TUT4: variants seen among roughly 807,000 people sequenced by gnomAD.
TUT4 encodes terminal uridylyl transferase 4, also known as terminal uridylyltransferase 4.
Under a neutral mutation model 192.2 loss-of-function variants are expected in TUT4, and 36 were observed. The ratio of observed to expected loss-of-function variants is 0.19; its 90% CI spans 0.14 to 0.25. The LOEUF is 0.25. Ranked by LOEUF, TUT4 falls within the 10% of genes least tolerant of loss-of-function variation. The probability of loss-of-function intolerance (pLI) is 1.00; values close to 1 mark genes in which losing one functional copy is unlikely to be tolerated. For synonymous variants in TUT4, 618 were observed against 666.0 expected (o/e 0.93, Z 1.11); for missense variants, 1,493 against 1,957.2 (o/e 0.76, Z 4.47).
At chr1:52,459,661 G>A (rs1045063195) in intron 19 of TUT4, among the ~76,000 whole-genome samples, 21 of 152,170 alleles carry the variant, frequency 1.4e-4, no homozygotes, top group Non-Finnish European at 1.2e-4. Flanking sequence ...CGAGGCGGGC[G>A]GAGGAGGTCA....
chr1:52,552,853 G>A (rs1235126532), intron 1 of TUT4, 78 bp downstream of exon 1: 2 of 152,362 alleles, frequency 1.3e-5, no homozygotes, highest in East Asian at 1.9e-4. Flanking sequence ...ACCTGGGGAG[G>A]GCGAACCGGG....
At chr1:52,429,753 C>T (rs754702116) in intron 28 of TUT4, among the ~76,000 whole-genome samples, 5 of 151,714 alleles carry the variant, frequency 3.3e-5, no homozygotes, top group South Asian at 4.2e-4. Context: ...TCACCACACC[C>T]GGCTAATTTT....
At position 52,475,169 on chromosome 1, in the gene TUT4, G is replaced by A; in HGVS notation, c.2390C>T (p.Ser797Phe). 3 of 1,614,102 alleles carry A rather than the reference G, an allele frequency of 1.9e-6. No individual in the cohort carries two copies. The highest frequency in any genetic ancestry group is 2.5e-6 in the Non-Finnish European group (3 of 1,180,012). Residue 797 changes from serine to phenylalanine, a missense_variant, in exon 13 of 30, where the codon TCT (serine) becomes TTT (phenylalanine). Coordinates refer to ENST00000257177, the MANE Select transcript of TUT4 (RefSeq NM_001009881.3). ...ELDFADHGQD[S>F]SSLSTSKSSE... The stretch of plus-strand genomic sequence containing the variant: ...GCTTTTGCTGGTAGAAAGAGATGAA[G>A]AGTCCTGTCCGTGGTCAGCAAAATC...
intron 28 of TUT4, among the ~76,000 whole-genome samples, chr1:52,425,826 T>C (rs1000152859): frequency 1.0e-4 from 14 of 135,482 alleles, no homozygotes; most frequent in African/African-American, 2.6e-4. Flanking sequence ...TTGACTAATA[T>C]GAGTTCTAGA....
At chr1:52,469,736 A>C (rs1427301393) in intron 14 of TUT4, among the ~76,000 whole-genome samples, 1 of 151,950 alleles carries the variant, frequency 6.6e-6, no homozygotes, top group Non-Finnish European at 1.5e-5. Context: ...TAAAAATACA[A>C]AAAATTAGCC....
chr1:52,510,264 G>A (rs980740601), intron 3 of TUT4, among the ~76,000 whole-genome samples: 6 of 142,232 alleles, frequency 4.2e-5, no homozygotes, highest in African/African-American at 1.1e-4. Context: ...GCAGCGAGCC[G>A]AGATCGCATC....
chr1:52,469,297 G>C (rs1252891195), intron 14 of TUT4, among the ~76,000 whole-genome samples: 1 of 151,946 alleles, frequency 6.6e-6, no homozygotes, highest in South Asian at 2.1e-4. Flanking sequence ...AGGGAGTGGG[G>C]GGAAAGGTGC....
chr1:52,445,660 T>A, intron 24 of TUT4, 127 bp downstream of exon 24: 1 of 697,752 alleles, frequency 1.4e-6, no homozygotes, highest in Non-Finnish European at 2.4e-6. Flanking sequence ...ATAAATGCAA[T>A]AAGAAAAAAT....
intron 4 of TUT4, among the ~76,000 whole-genome samples, chr1:52,497,965 T>C (rs1672878936): frequency 1.3e-5 from 2 of 152,170 alleles, no homozygotes; most frequent in South Asian, 2.1e-4. Context: ...AAACCATCTC[T>C]TATCTTTTGA....
chr1:52,452,950 A>T (rs553434085), intron 20 of TUT4, among the ~76,000 whole-genome samples: 2 of 152,314 alleles, frequency 1.3e-5, no homozygotes, highest in Non-Finnish European at 2.9e-5. Flanking sequence ...GATACTACAG[A>T]TGGTGCCAGA....
In TUT4 at chr1:52,446,585, A is replaced by C. The variant is rs1657590748; in HGVS notation, c.3513+5T>G. 6.3e-7 allele frequency: 1 copy of C among 1,599,890 alleles called. No homozygotes were observed. The highest frequency in any genetic ancestry group is 2.2e-5 in the East Asian group (1 of 44,702). On this transcript the variant is annotated splice_donor_5th_base_variant and intron_variant, in intron 21 of 29. Transcript: ENST00000257177. ...TCTAGAACATAAAGACTATTTTAAA[A>C]TTACCAGTTCTTCTGTTTTATCAAA...
chr1:52,475,243 T>G lies in TUT4; in HGVS notation c.2316A>C (p.Thr772=). The G allele has an allele frequency of 1.9e-6, 3 of 1,614,186 alleles. No individual in the cohort carries two copies. In the East Asian group the frequency reaches 6.7e-5, roughly 36 times the overall value. ...TGTTGTCAATAATACATCTCTGTGA[T>G]GTACAGTCCATTTCATCACATTGAA... ...QPVQCDEMDC[T]SQRCIIDNNN... is the part of the protein sequence containing the mutation. The change falls in exon 13 of 30, where the codon ACA becomes ACC. Residue 772 remains threonine (T), a synonymous_variant. Coordinates refer to ENST00000257177, the MANE Select transcript of TUT4 (RefSeq NM_001009881.3).
intron 27 of TUT4, 62 bp from the exon 28 acceptor site, chr1:52,431,522 G>C: frequency 8.2e-7 from 1 of 1,220,162 alleles, no homozygotes; most frequent in East Asian, 2.6e-5. Flanking sequence ...TATAAAAGTA[G>C]AGATAAAATA....
intron 1 of TUT4, among the ~76,000 whole-genome samples, chr1:52,542,729 T>G (rs1314842011): frequency 6.6e-6 from 1 of 151,892 alleles, no homozygotes; most frequent in African/African-American, 2.4e-5. Flanking sequence ...AAGGGAAAGA[T>G]GTCTGTTTTC....
At position 52,472,747 on chromosome 1, in the gene TUT4, A is replaced by G. The variant is rs551796732; in HGVS notation, c.2728-645T>C. On this transcript the variant is annotated intron_variant, in intron 13 of 29. Transcript: ENST00000257177. Reference sequence around the variant, plus strand: ...ATATAACCATTTTAAATGTATTTCAATGGACACCAAACAAGTGGTTAAAAC... The same window carrying G: ...ATATAACCATTTTAAATGTATTTCAGTGGACACCAAACAAGTGGTTAAAAC... Among the ~76,000 whole-genome samples, 11 of 152,246 alleles carry G rather than the reference A, an allele frequency of 7.2e-5. No individual in the cohort carries two copies. In the East Asian group the frequency reaches 2.1e-3, roughly 29 times the overall value.
intron 9 of TUT4, among the ~76,000 whole-genome samples, chr1:52,486,904 C>T (rs754319287): frequency 1.2e-4 from 18 of 152,138 alleles, no homozygotes; most frequent in Non-Finnish European, 2.5e-4. Flanking sequence ...TCTTCTAACA[C>T]AGACTACTTA....
chr1:52,454,085 TA>T (rs1660193249), intron 20 of TUT4, among the ~76,000 whole-genome samples: 1 of 152,186 alleles, frequency 6.6e-6, no homozygotes, highest in African/African-American at 2.4e-5. Flanking sequence ...AAGAACTAAA[TA>T]AATGGAGAGA....
chr1:52,548,028 GA>G (rs960114474), intron 1 of TUT4, among the ~76,000 whole-genome samples: 33 of 151,852 alleles, frequency 2.2e-4, no homozygotes, highest in African/African-American at 7.0e-4. Context: ...GAAAAAAGGG[GA>G]AAAAAATACA....
intron 20 of TUT4, among the ~76,000 whole-genome samples, chr1:52,452,553 C>T (rs530168187): frequency 6.6e-6 from 1 of 152,188 alleles, no homozygotes; most frequent in East Asian, 1.9e-4. Context: ...AACAGCTTGG[C>T]TTAATCAATC....
Sources: allele counts gnomAD v4.1 joint callset (sites outside exome capture counted in the v4.1 genomes callset), GRCh38; gene constraint gnomAD v4.1.1; transcripts MANE v1.5; gene names NCBI Gene and HGNC (gene_info 2026-07-23, HGNC 2026-07-21).